Variants in CIP2A observed in about 807,000 individuals in gnomAD.
CIP2A encodes the protein protein CIP2A.
Under a neutral mutation model 110.9 loss-of-function variants are expected in CIP2A, and 103 were observed. The observed-to-expected ratio is 0.93, with a 90% CI of 0.79 to 1.09. CIP2A has a LOEUF of 1.09. Among genes scored for constraint, CIP2A ranks in the 50% least tolerant of loss-of-function variants. The probability of loss-of-function intolerance (pLI) is 0.00; values close to 1 mark genes in which losing one functional copy is unlikely to be tolerated. For missense variants in CIP2A, 1,088 were observed against 1,038.4 expected (o/e 1.05, Z -0.66); for synonymous variants, 381 against 361.6 (o/e 1.05, Z -0.61).
intron 14 of CIP2A, 50 bp from the exon 15 acceptor site, chr3:108,560,078 A>C (rs1363324641): frequency 9.2e-7 from 1 of 1,083,388 alleles, no homozygotes; most frequent in Non-Finnish European, 1.4e-6. Context: ...ATATTTTGAC[A>C]CAATGACAAA....
Position 108,585,136 on chromosome 3 carries a change from A to G in CIP2A, c.179T>C (p.Val60Ala), listed in dbSNP as rs1368457118. 1.2e-6 allele frequency: 2 copies of G among 1,613,586 alleles called. No homozygotes were observed. The highest frequency in any genetic ancestry group is 3.3e-5 in the Admixed American group (2 of 60,016). Residue 60 changes from valine to alanine, a missense_variant, in exon 2 of 21, where the codon GTA (valine) becomes GCA (alanine). Coordinates refer to ENST00000295746, the MANE Select transcript of CIP2A (RefSeq NM_020890.3). Reference protein sequence around the residue: ...ILTSECLSCLVELLEDPNISA... With the variant: ...ILTSECLSCLAELLEDPNISA... ...TATGTTGGGGTCTTCAAGTAGCTCT[A>G]CAAGGCAACTCAAGCATTCACTTGT...
At position 108,559,863 on chromosome 3, in the gene CIP2A, T is replaced by C; in HGVS notation, c.1907A>G (p.Lys636Arg). ...YEMKLSTLAS[K>R]ESRLQDLLET... Reference sequence around the variant, plus strand: ...CAAAAGATCTTGTAGCCTGCTTTCTTTGGACTACAAGAAAACATATCATTA... The same window carrying C: ...CAAAAGATCTTGTAGCCTGCTTTCTCTGGACTACAAGAAAACATATCATTA... The change falls in exon 16 of 21, where the codon AAA becomes AGA. Residue 636 changes from lysine (K) to arginine (R), a missense_variant. Lys to Arg is a conservative substitution (Grantham distance 26, BLOSUM62 2). Coordinates refer to ENST00000295746, the MANE Select transcript of CIP2A (RefSeq NM_020890.3). The C allele has an allele frequency of 6.2e-7, 1 of 1,605,924 alleles. No homozygotes were observed. Among genetic ancestry groups the C allele is most frequent in the Non-Finnish European group, 8.5e-7 (1 of 1,174,006 alleles).
At chr3:108,589,141 G>A (rs905842829) in intron 1 of CIP2A, 133 bp downstream of exon 1, 32 of 660,242 alleles carry the variant, frequency 4.8e-5, no homozygotes, top group Non-Finnish European at 4.3e-5. Flanking sequence ...GCCTTTACCA[G>A]TACGAAAAGA....
rs1380893056 is a variant in CIP2A at position 108,555,717 on chromosome 3, T to G, written c.2211-1228A>C. On this transcript the variant is annotated intron_variant, in intron 17 of 20. Coordinates refer to ENST00000295746, the MANE Select transcript of CIP2A (RefSeq NM_020890.3). Reference sequence around the variant, plus strand: ...ACAAAGCTGCTCTTCCTTAACCAACTGCAAATCGAAAAATCTTTGGGTCTA... The same window carrying G: ...ACAAAGCTGCTCTTCCTTAACCAACGGCAAATCGAAAAATCTTTGGGTCTA... Among the ~76,000 whole-genome samples the G allele has an allele frequency of 2.6e-5, 4 of 152,220 alleles. No homozygotes were observed. In the East Asian group the frequency reaches 5.8e-4, roughly 22 times the overall value.
intron 8 of CIP2A, among the ~76,000 whole-genome samples, chr3:108,570,312 G>A (rs1263019325): frequency 6.6e-6 from 1 of 151,864 alleles, no homozygotes; most frequent in Non-Finnish European, 1.5e-5. Context: ...TGGGATTTGT[G>A]TTTTAATCAA....
chr3:108,570,306 A>G (rs1201167501), intron 8 of CIP2A, among the ~76,000 whole-genome samples: 1 of 152,020 alleles, frequency 6.6e-6, no homozygotes, highest in Non-Finnish European at 1.5e-5. Context: ...TATAATTGGG[A>G]TTTGTGTTTT....
intron 1 of CIP2A, 131 bp from the exon 2 acceptor site, chr3:108,585,343 G>T: frequency 1.3e-6 from 1 of 789,498 alleles, no homozygotes; most frequent in South Asian, 2.1e-5. Context: ...CACACATGCT[G>T]TGAAAAATTC....
Position 108,554,466 on chromosome 3 carries a change from T to A in CIP2A, c.2234A>T (p.Asn745Ile). 1 of 1,500,250 alleles carries A rather than the reference T, an allele frequency of 6.7e-7. No homozygotes were observed. Among genetic ancestry groups the A allele is most frequent in the Non-Finnish European group, 9.2e-7 (1 of 1,089,298 alleles). The allele number at this position is 1,500,250 out of a possible 1,614,324, so 92.9% of individuals were successfully genotyped here. A position where few individuals can be genotyped will look rare whatever the true frequency, so the allele number is the denominator to read the frequency against. Residue 745 changes from asparagine (N) to isoleucine (I), a missense_variant, in exon 18 of 21, where the codon AAT (asparagine) becomes ATT (isoleucine). Asn to Ile is a moderately radical substitution (Grantham distance 149). Coordinates refer to ENST00000295746, the MANE Select transcript of CIP2A (RefSeq NM_020890.3). ...ATCACATGTGATCTGTAAATCTTTA[T>A]TCTTCTTTTCAGTACTTTCATTTCT... ...LQRNESTEKK[N>I]KDLQITCDSL...
chr3:108,575,491 CAT>C (rs1205738801), intron 8 of CIP2A, among the ~76,000 whole-genome samples: 1 of 141,306 alleles, frequency 7.1e-6, no homozygotes, highest in Non-Finnish European at 1.5e-5. Context: ...TATATGCACA[CAT>C]ATGTATATAT....
chr3:108,559,515 A>C (rs1937925376), intron 16 of CIP2A, among the ~76,000 whole-genome samples: 1 of 152,152 alleles, frequency 6.6e-6, no homozygotes. Flanking sequence ...TAAGTCCCAG[A>C]GTCCCCAACA....
Position 108,569,413 on chromosome 3 carries a change from C to A in CIP2A, c.1089G>T (p.Leu363Phe). Residue 363 changes from leucine to phenylalanine, a missense_variant, in exon 9 of 21, where the codon TTG becomes TTT. Leu to Phe is a conservative substitution (Grantham distance 22). Transcript: ENST00000295746. The part of the protein sequence containing the change: ...DGSENCSVLA[L>F]ELFKEIFEDV... ...CCTCAAATATTTCCTTGAACAACTC[C>A]AATGCTAAAACAGAACAGTTTTCTG... is the stretch of plus-strand genomic sequence containing the variant. The A allele has an allele frequency of 1.2e-6, 2 of 1,612,044 alleles. No individual in the cohort carries two copies. The highest frequency in any genetic ancestry group is 1.7e-6 in the Non-Finnish European group (2 of 1,178,886).
chr3:108,581,344 TA>T, intron 5 of CIP2A, 70 bp downstream of exon 5: 1 of 1,080,716 alleles, frequency 9.3e-7, no homozygotes, highest in Non-Finnish European at 1.4e-6. Context: ...AAGAAAAAGA[TA>T]AATACAATTT....
Position 108,551,311 on chromosome 3 carries a change from G to A in CIP2A, c.2556C>T (p.Ser852=), listed in dbSNP as rs556772830. ...CTAATTGTGCCTTTTGAACCTCTAG[G>A]GAGGAAGCCTAAGGAATTGGGGTTG... ...IRKELSIKAS[S]LEVQKAQLEG... The change falls in exon 21 of 21, where the codon TCC becomes TCT. Residue 852 remains serine, a synonymous_variant. Coordinates refer to ENST00000295746, the MANE Select transcript of CIP2A (RefSeq NM_020890.3). 1.1e-5 allele frequency: 17 copies of A among 1,606,492 alleles called. No individual in the cohort carries two copies. In the African/African-American group the frequency reaches 2.1e-4, roughly 20 times the overall value.
chr3:108,553,030 T>G (rs1387533760), intron 19 of CIP2A, among the ~76,000 whole-genome samples: 3 of 151,286 alleles, frequency 2.0e-5, no homozygotes, highest in African/African-American at 4.9e-5. Flanking sequence ...ATACCCAGTG[T>G]AACAGACCTG....
chr3:108,557,626 A>G (rs978388910), intron 16 of CIP2A, among the ~76,000 whole-genome samples: 12 of 152,084 alleles, frequency 7.9e-5, no homozygotes, highest in African/African-American at 2.9e-4. Flanking sequence ...GATAAAAACA[A>G]TCTCACTATG....
intron 8 of CIP2A, among the ~76,000 whole-genome samples, chr3:108,571,154 T>C (rs1365880397): frequency 6.6e-6 from 1 of 152,168 alleles, no homozygotes; most frequent in East Asian, 1.9e-4. Context: ...CAACAATACC[T>C]TCTTCTGGAA....
chr3:108,568,144 G>A lies in CIP2A; in HGVS notation c.1273+11C>T, dbSNP rs1404989695. 1 of 1,607,178 alleles carries A rather than the reference G, an allele frequency of 6.2e-7. No individual in the cohort carries two copies. The highest frequency in any genetic ancestry group is 8.5e-7 in the Non-Finnish European group (1 of 1,174,698). On this transcript the variant is annotated intron_variant, in intron 10 of 20. Coordinates refer to ENST00000295746, the MANE Select transcript of CIP2A (RefSeq NM_020890.3). ...TTATACAGTTTTCACGTTAATGACA[G>A]TAAAGGATATTTAACAAAACTTCAA...
At chr3:108,581,538 T>C in intron 4 of CIP2A, 27 bp from the exon 5 acceptor site, 2 of 1,399,116 alleles carry the variant, frequency 1.4e-6, no homozygotes, top group African/African-American at 1.4e-5. Context: ...GTGTTTTGTT[T>C]AAAGAAAAAA....
At chr3:108,553,824 G>T (rs187700159) in intron 18 of CIP2A, 94 bp from the exon 19 acceptor site, 29 of 873,660 alleles carry the variant, frequency 3.3e-5, no homozygotes, top group Admixed American at 5.8e-5. Flanking sequence ...AGGCCAAGGC[G>T]GGCAGATCAC....
Sources: allele counts gnomAD v4.1 joint callset (sites outside exome capture counted in the v4.1 genomes callset), GRCh38; gene constraint gnomAD v4.1.1; transcripts MANE v1.5; gene names NCBI Gene and HGNC (gene_info 2026-07-23, HGNC 2026-07-21).